KCNQ3: variants seen among roughly 807,000 people sequenced by gnomAD.
The protein encoded by KCNQ3 is potassium voltage-gated channel subfamily KQT member 3.
In KCNQ3, 30 loss-of-function variants were observed where a neutral mutation model predicts 92.5. The ratio of observed to expected loss-of-function variants is 0.32; its 90% CI spans 0.24 to 0.44. The LOEUF (loss-of-function observed/expected upper bound fraction) is 0.44, where lower values mean the gene tolerates loss of function less well. Among genes scored for constraint, KCNQ3 ranks in the 20% least tolerant of loss-of-function variants. KCNQ3 has a pLI of 1.00. For missense variants in KCNQ3, 913 were observed against 1,140.3 expected, an observed-to-expected ratio of 0.80 and a Z score of 2.87; for synonymous variants, 450 against 468.8, an observed-to-expected ratio of 0.96 and a Z score of 0.52.
In KCNQ3 at chr8:132,258,601, GA is replaced by G. The variant is rs559641248; in HGVS notation, c.387-72421del. ...CCTAAACTTCCACCTTAAGAAACTG[GA>G]AAAAAAATAGCAAATGAACCGTAAA... On this transcript the variant is annotated intron_variant, in intron 1 of 14. Coordinates refer to ENST00000388996, the MANE Select transcript of KCNQ3 (RefSeq NM_004519.4). Among the ~76,000 whole-genome samples, 23 of 151,186 alleles carry G rather than the reference GA, an allele frequency of 1.5e-4. No homozygotes were observed. The South Asian group carries it at 2.3e-3, about 15-fold the overall frequency.
At chr8:132,135,166 G>C (rs1467933846) in intron 12 of KCNQ3, among the ~76,000 whole-genome samples, 5 of 152,156 alleles carry the variant, frequency 3.3e-5, no homozygotes, top group African/African-American at 1.2e-4. Context: ...GTGAGAACAC[G>C]CTGTATATGG....
At chr8:132,294,000 G>GTGTGTGTGTGTGTTTTTTTTGTTGTTGTT (rs1816939658) in intron 1 of KCNQ3, among the ~76,000 whole-genome samples, 1 of 124,192 alleles carries the variant, frequency 8.1e-6, no homozygotes, top group African/African-American at 3.1e-5. Context: ...TGTGTGTGTG[G>GTGTGTGTGTGTGTTTTTTTTGTTGTTGTT]TTTTTTTTTT....
chr8:132,394,638 A>T (rs577492600), intron 1 of KCNQ3, among the ~76,000 whole-genome samples: 2 of 152,264 alleles, frequency 1.3e-5, no homozygotes, highest in African/African-American at 4.8e-5. Context: ...TACCCTACTT[A>T]ACACACTGGT....
At chr8:132,401,685 T>A (rs1272797082) in intron 1 of KCNQ3, among the ~76,000 whole-genome samples, 1 of 152,134 alleles carries the variant, frequency 6.6e-6, no homozygotes, top group African/African-American at 2.4e-5. Context: ...AATAGAACAC[T>A]TTTAACTGCA....
intron 1 of KCNQ3, among the ~76,000 whole-genome samples, chr8:132,387,326 G>C (rs1167728731): frequency 1.3e-5 from 2 of 152,254 alleles, no homozygotes; most frequent in East Asian, 3.9e-4. Context: ...CACCTTAATA[G>C]ATATCTAACT....
intron 4 of KCNQ3, among the ~76,000 whole-genome samples, chr8:132,179,118 G>A (rs760079758): frequency 6.6e-6 from 1 of 150,568 alleles, no homozygotes; most frequent in Non-Finnish European, 1.5e-5. Context: ...CCTGAGCTGA[G>A]ACACAGGGGT....
chr8:132,458,250 A>G (rs1587040971), intron 1 of KCNQ3, among the ~76,000 whole-genome samples: 1 of 152,158 alleles, frequency 6.6e-6, no homozygotes, highest in Non-Finnish European at 1.5e-5. Context: ...AACCAACAAC[A>G]GTTCACTACA....
chr8:132,160,520 A>C (rs1415046574), intron 9 of KCNQ3, among the ~76,000 whole-genome samples: 1 of 152,220 alleles, frequency 6.6e-6, no homozygotes, highest in African/African-American at 2.4e-5. Flanking sequence ...CTCATGGTCT[A>C]GAGAGGAAGA....
Position 132,480,473 on chromosome 8 carries a change from G to T in KCNQ3, c.60C>A (p.Gly20=). The T allele has an allele frequency of 3.2e-6, 4 of 1,238,196 alleles. No individual in the cohort carries two copies. The allele number at this position is 1,238,196 out of a possible 1,614,324, so 76.7% of individuals were successfully genotyped here. A position where few individuals can be genotyped will look rare whatever the true frequency, so the allele number is the denominator to read the frequency against. Residue 20 remains glycine, a synonymous_variant, in exon 1 of 15, where the codon GGC becomes GGA. Coordinates refer to ENST00000388996, the MANE Select transcript of KCNQ3 (RefSeq NM_004519.4). ...CTGGGTTAGCCGCCCCGCCGCCTCC[G>T]CCGCCCCCGTCGCCGCCGCCGCCAG... is the stretch of plus-strand genomic sequence containing the variant. ...GAAGGGGDGG[G]GGGGAANPAG...
At chr8:132,235,065 C>T (rs1026752770) in intron 1 of KCNQ3, among the ~76,000 whole-genome samples, 4 of 152,196 alleles carry the variant, frequency 2.6e-5, no homozygotes, top group Non-Finnish European at 5.9e-5. Context: ...TGGCAGCCAA[C>T]ACAATAACAA....
intron 1 of KCNQ3, among the ~76,000 whole-genome samples, chr8:132,456,168 G>T (rs891335043): frequency 6.6e-6 from 1 of 152,062 alleles, no homozygotes; most frequent in Non-Finnish European, 1.5e-5. Context: ...AAAACTCTCA[G>T]CTCCAAAAAG....
At position 132,125,722 on chromosome 8, in the gene KCNQ3, T is replaced by G. The variant is rs1377575395; in HGVS notation, c.*3540A>C. ...AAATAGACACAGGATGCATAATTGT[T>G]GATTAATTAGTTCATTTTAACCTAT... On this transcript the variant is annotated 3_prime_UTR_variant, in exon 15 of 15. Coordinates refer to ENST00000388996, the MANE Select transcript of KCNQ3 (RefSeq NM_004519.4). 25 of 152,176 alleles carry G rather than the reference T, an allele frequency of 1.6e-4. No homozygotes were observed. The highest frequency in any genetic ancestry group is 1.6e-3 in the Admixed American group (25 of 15,284). 9.4% of individuals were successfully genotyped at this position (152,176 alleles called of 1,614,324 possible).
At chr8:132,191,601 A>ATG (rs35548149) in intron 1 of KCNQ3, among the ~76,000 whole-genome samples, 10,200 of 146,774 alleles carry the variant, frequency 0.069, 532 homozygotes, top group African/African-American at 0.13. Flanking sequence ...ATGTGTGTGT[A>ATG]TGTGTGTGTA....
chr8:132,365,531 C>G (rs371367992), intron 1 of KCNQ3, among the ~76,000 whole-genome samples: 13 of 152,322 alleles, frequency 8.5e-5, no homozygotes, highest in African/African-American at 2.9e-4. Context: ...CAGGCCGGCT[C>G]TGACATTTTG....
intron 1 of KCNQ3, among the ~76,000 whole-genome samples, chr8:132,285,971 A>C (rs1563841298): frequency 6.6e-6 from 1 of 152,156 alleles, no homozygotes; most frequent in Non-Finnish European, 1.5e-5. Flanking sequence ...CAAATTGCAG[A>C]CCTTGGTAGT....
chr8:132,182,375 G>A (rs1333677829), intron 3 of KCNQ3, among the ~76,000 whole-genome samples: 1 of 152,204 alleles, frequency 6.6e-6, no homozygotes, highest in African/African-American at 2.4e-5. Flanking sequence ...TCATGTTCAT[G>A]GGCGTGATAA....
chr8:132,383,559 T>C (rs1819810839), intron 1 of KCNQ3, among the ~76,000 whole-genome samples: 1 of 152,180 alleles, frequency 6.6e-6, no homozygotes, highest in African/African-American at 2.4e-5. Flanking sequence ...CTTCATATAC[T>C]TAACAGACCT....
chr8:132,192,975 C>T (rs368846289), intron 1 of KCNQ3, among the ~76,000 whole-genome samples: 1 of 152,124 alleles, frequency 6.6e-6, no homozygotes, highest in Admixed American at 6.5e-5. Context: ...TGTTTCCTTT[C>T]CTCTGCTCTT....
At chr8:132,271,966 A>T (rs1816160660) in intron 1 of KCNQ3, among the ~76,000 whole-genome samples, 1 of 152,180 alleles carries the variant, frequency 6.6e-6, no homozygotes, top group South Asian at 2.1e-4. Context: ...TATCTAAAGA[A>T]ACTGACCTGA....
Sources: allele counts gnomAD v4.1 joint callset (sites outside exome capture counted in the v4.1 genomes callset), GRCh38; gene constraint gnomAD v4.1.1; transcripts MANE v1.5; gene names NCBI Gene and HGNC (gene_info 2026-07-23, HGNC 2026-07-21).